Variants in EPHA5 observed in about 807,000 individuals in gnomAD.
The protein encoded by EPHA5 is EPH receptor A5, also known as ephrin type-A receptor 5.
EPHA5 carries 60 observed loss-of-function variants against 105.0 expected under a neutral mutation model. The observed-to-expected ratio is 0.57, with a 90% CI of 0.46 to 0.71. The LOEUF is 0.71. Ranked by LOEUF, EPHA5 falls within the 30% of genes least tolerant of loss-of-function variation. The pLI, the probability that EPHA5 is intolerant of heterozygous loss-of-function variation, is 0.00. For synonymous variants in EPHA5, 513 were observed against 449.1 expected, an observed-to-expected ratio of 1.14 and a Z score of -1.80; for missense variants, 1,218 against 1,274.7, an observed-to-expected ratio of 0.96 and a Z score of 0.68.
At chr4:65,559,293 C>G (rs1263369578) in intron 3 of EPHA5, among the ~76,000 whole-genome samples, 2 of 152,090 alleles carry the variant, frequency 1.3e-5, no homozygotes, top group East Asian at 3.9e-4. Context: ...AAAGCACACA[C>G]AAAATGGAGA....
chr4:65,395,764 T>G (rs915079302), intron 8 of EPHA5, among the ~76,000 whole-genome samples: 2 of 152,334 alleles, frequency 1.3e-5, no homozygotes, highest in Non-Finnish European at 2.9e-5. Flanking sequence ...AATATAACTT[T>G]TAACAGGCAT....
At chr4:65,523,325 C>T (rs1446543084) in intron 3 of EPHA5, among the ~76,000 whole-genome samples, 2 of 151,854 alleles carry the variant, frequency 1.3e-5, no homozygotes, top group East Asian at 3.9e-4. Flanking sequence ...TGACTTGGTG[C>T]TTAGGCTTTG....
intron 5 of EPHA5, among the ~76,000 whole-genome samples, chr4:65,433,665 G>A (rs1402390472): frequency 6.6e-6 from 1 of 152,112 alleles, no homozygotes; most frequent in Non-Finnish European, 1.5e-5. Context: ...TGTTGGCAGG[G>A]CTGTGTTTCT....
intron 7 of EPHA5, among the ~76,000 whole-genome samples, chr4:65,408,841 T>G (rs1208552398): frequency 2.0e-5 from 3 of 151,912 alleles, no homozygotes; most frequent in South Asian, 2.1e-4. Context: ...CATTACTGGG[T>G]ATATACCCAA....
chr4:65,461,024 C>T (rs146694360), intron 5 of EPHA5, among the ~76,000 whole-genome samples: 404 of 151,914 alleles, frequency 2.7e-3, no homozygotes, highest in African/African-American at 9.3e-3. Flanking sequence ...CAAAAATTTA[C>T]TATAAATATT....
At chr4:65,576,856 C>G (rs1159842505) in intron 3 of EPHA5, among the ~76,000 whole-genome samples, 1 of 152,198 alleles carries the variant, frequency 6.6e-6, no homozygotes. Flanking sequence ...TGAAGTAGCA[C>G]TACTGGGAGT....
At chr4:65,388,801 A>C (rs1720401079) in intron 8 of EPHA5, among the ~76,000 whole-genome samples, 1 of 150,798 alleles carries the variant, frequency 6.6e-6, no homozygotes, top group East Asian at 2.0e-4. Context: ...TTTGCTGTGC[A>C]GAAGCTCTTT....
chr4:65,579,631 C>A (rs1021976661), intron 3 of EPHA5, among the ~76,000 whole-genome samples: 2 of 151,584 alleles, frequency 1.3e-5, no homozygotes, highest in African/African-American at 4.8e-5. Context: ...TTAAAATAAT[C>A]TTCAGATTTG....
At chr4:65,509,390 AT>A (rs1391081721) in intron 3 of EPHA5, among the ~76,000 whole-genome samples, 1 of 152,154 alleles carries the variant, frequency 6.6e-6, no homozygotes, top group Non-Finnish European at 1.5e-5. Context: ...CAGAGTCTAT[AT>A]TTGTGTCCTA....
chr4:65,402,549 A>G (rs1337570126), intron 8 of EPHA5, among the ~76,000 whole-genome samples: 1 of 152,160 alleles, frequency 6.6e-6, no homozygotes, highest in Non-Finnish European at 1.5e-5. Flanking sequence ...AAATTTTCAA[A>G]AACACAGATT....
intron 3 of EPHA5, among the ~76,000 whole-genome samples, chr4:65,516,717 A>C (rs1362535206): frequency 2.0e-5 from 3 of 152,024 alleles, no homozygotes; most frequent in Non-Finnish European, 4.4e-5. Context: ...CAAAAGAGAA[A>C]ATTTTCTTCC....
At chr4:65,556,838 T>C (rs1344427333) in intron 3 of EPHA5, among the ~76,000 whole-genome samples, 3 of 152,104 alleles carry the variant, frequency 2.0e-5, no homozygotes, top group Non-Finnish European at 4.4e-5. Flanking sequence ...TCCTTTTCAT[T>C]GTCTAAGCTA....
At chr4:65,331,276 T>C in intron 16 of EPHA5, 1 of 1,029,942 alleles carries the variant, frequency 9.7e-7, no homozygotes, top group Non-Finnish European at 1.2e-6. Flanking sequence ...CAACCACATG[T>C]ACAGAGTATA....
chr4:65,606,259 A>C lies in EPHA5; in HGVS notation c.247-3955T>G, dbSNP rs1021621994. ...TTTCTTATCGTCAACTGTATCTTAGAGTCTGATACAACAGGGCACAGAGTA... is the reference window on the plus strand; with the variant it reads ...TTTCTTATCGTCAACTGTATCTTAGCGTCTGATACAACAGGGCACAGAGTA... On this transcript the variant is annotated intron_variant, in intron 2 of 16. Transcript: ENST00000613740. Among the ~76,000 whole-genome samples the C allele has an allele frequency of 2.0e-5, 3 of 152,318 alleles. No individual in the cohort carries two copies. The South Asian group carries it at 6.2e-4, about 32-fold the overall frequency.
At position 65,490,450 on chromosome 4, in the gene EPHA5, T is replaced by C; in HGVS notation, c.1329A>G (p.Ala443=). ...GGCTCAAGTCGGACACTCCATTCAC[T>C]GCCTCAATCTCAAAGGTATAGTTTG... is the stretch of plus-strand genomic sequence containing the variant. The part of the protein sequence containing the change: ...AHTNYTFEIE[A]VNGVSDLSPG... The change falls in exon 5 of 17, where the codon GCA becomes GCG. Residue 443 remains alanine, a synonymous_variant. Transcript: ENST00000613740. 2 of 1,614,144 alleles carry C rather than the reference T, an allele frequency of 1.2e-6. No homozygotes were observed. Among genetic ancestry groups the C allele is most frequent in the East Asian group, 4.5e-5 (2 of 44,868 alleles).
At chr4:65,597,869 G>C (rs1467260823) in intron 3 of EPHA5, among the ~76,000 whole-genome samples, 1 of 152,030 alleles carries the variant, frequency 6.6e-6, no homozygotes, top group Non-Finnish European at 1.5e-5. Context: ...CTGGATTGAG[G>C]CCATATGTTA....
chr4:65,439,409 CG>C (rs1306113093), intron 5 of EPHA5, among the ~76,000 whole-genome samples: 1 of 151,618 alleles, frequency 6.6e-6, no homozygotes, highest in Non-Finnish European at 1.5e-5. Context: ...AATTTTGTTC[CG>C]CTGTTCCACA....
At chr4:65,360,973 G>A (rs931128552) in intron 11 of EPHA5, among the ~76,000 whole-genome samples, 31 of 151,678 alleles carry the variant, frequency 2.0e-4, no homozygotes, top group African/African-American at 6.5e-4. Context: ...GCATGACAGA[G>A]TATACAGAAA....
chr4:65,429,850 C>A (rs538150106), intron 5 of EPHA5, among the ~76,000 whole-genome samples: 1 of 152,120 alleles, frequency 6.6e-6, no homozygotes, highest in African/African-American at 2.4e-5. Context: ...AAAAAATAAA[C>A]TTTATGGCTA....
Sources: allele counts gnomAD v4.1 joint callset (sites outside exome capture counted in the v4.1 genomes callset), GRCh38; gene constraint gnomAD v4.1.1; transcripts MANE v1.5; gene names NCBI Gene and HGNC (gene_info 2026-07-23, HGNC 2026-07-21).